The following IL1RAPL1 variants were observed in gnomAD, a reference collection of about 807,000 sequenced individuals.
The protein encoded by IL1RAPL1 is interleukin-1 receptor accessory protein-like 1.
In IL1RAPL1, 3 loss-of-function variants were observed where a neutral mutation model predicts 48.4. The ratio of observed to expected loss-of-function variants is 0.06; its 90% CI spans 0.03 to 0.16. The LOEUF is 0.16. Among genes scored for constraint, IL1RAPL1 ranks in the 10% least tolerant of loss-of-function variants. IL1RAPL1 has a pLI of 1.00. For synonymous variants in IL1RAPL1, 185 were observed against 187.7 expected (o/e 0.99, Z 0.12); for missense variants, 349 against 530.6 (o/e 0.66, Z 3.36).
chrX:29,217,014 T>C (rs376131144), intron 2 of IL1RAPL1, among the ~76,000 whole-genome samples: 5 of 111,545 alleles, frequency 4.5e-5, no homozygotes, highest in Admixed American at 1.9e-4. Flanking sequence ...AAAAGCCTTA[T>C]GGTAGTCATG....
At chrX:29,005,495 C>T (rs1441395023) in intron 2 of IL1RAPL1, among the ~76,000 whole-genome samples, 1 of 111,575 alleles carries the variant, frequency 9.0e-6, no homozygotes, top group Non-Finnish European at 1.9e-5. Flanking sequence ...CTTCAAGGCC[C>T]TTGAAAAACA....
At chrX:29,872,652 A>G (rs1004036076) in intron 6 of IL1RAPL1, among the ~76,000 whole-genome samples, 21 of 111,734 alleles carry the variant, frequency 1.9e-4, no homozygotes, top group African/African-American at 5.9e-4. Flanking sequence ...TTTCACTATA[A>G]TTAGTCTTTC....
chrX:28,974,821 A>G (rs769539077), intron 2 of IL1RAPL1, among the ~76,000 whole-genome samples: 11 of 111,666 alleles, frequency 9.9e-5, no homozygotes, highest in South Asian at 3.8e-4. Flanking sequence ...AAAGTGGACA[A>G]TTATCATCTT....
At chrX:29,509,198 T>G (rs1935367815) in intron 5 of IL1RAPL1, among the ~76,000 whole-genome samples, 1 of 112,029 alleles carries the variant, frequency 8.9e-6, no homozygotes, top group South Asian at 3.7e-4. Flanking sequence ...TAGTCTGGAA[T>G]TCTCAGGTAC....
chrX:29,527,888 T>A (rs1412921642), intron 5 of IL1RAPL1, among the ~76,000 whole-genome samples: 2 of 111,603 alleles, frequency 1.8e-5, no homozygotes, highest in African/African-American at 6.5e-5. Flanking sequence ...ATATAAATGA[T>A]CCTTAAGCAT....
At chrX:29,408,584 A>C (rs757569553) in intron 5 of IL1RAPL1, among the ~76,000 whole-genome samples, 109 of 111,930 alleles carry the variant, frequency 9.7e-4, no homozygotes, top group Middle Eastern at 4.6e-3. Context: ...ATTCGAAAAG[A>C]AGCAAAAAGA....
In IL1RAPL1 at chrX:29,448,410, G is replaced by A. The variant is rs1017468162; in HGVS notation, c.703+49102G>A. ...GTCCATATTACAGAGATTGAGTATA[G>A]TAGAGACTCAGTTTTATCACTTGTC... On this transcript the variant is annotated intron_variant, in intron 5 of 10. Transcript: ENST00000378993. 7.1e-5 allele frequency among the ~76,000 whole-genome samples: 8 copies of A among 111,947 alleles called. No individual in the cohort carries two copies. The East Asian group carries it at 2.2e-3, about 31-fold the overall frequency.
At chrX:29,403,667 A>G (rs1934022068) in intron 5 of IL1RAPL1, among the ~76,000 whole-genome samples, 1 of 111,995 alleles carries the variant, frequency 8.9e-6, no homozygotes, top group African/African-American at 3.2e-5. Flanking sequence ...ATTAAGTTAA[A>G]CATGAGTTCA....
At chrX:29,418,891 G>T (rs1335895331) in intron 5 of IL1RAPL1, among the ~76,000 whole-genome samples, 1 of 111,923 alleles carries the variant, frequency 8.9e-6, no homozygotes, top group African/African-American at 3.2e-5. Context: ...CAATAGTGTT[G>T]ACCTGCCTTT....
chrX:29,588,290 A>G (rs749112721), intron 5 of IL1RAPL1, among the ~76,000 whole-genome samples: 8 of 112,401 alleles, frequency 7.1e-5, no homozygotes, highest in South Asian at 7.3e-4. Context: ...CTGTTGCCCT[A>G]TGAATTTATG....
intron 2 of IL1RAPL1, among the ~76,000 whole-genome samples, chrX:29,208,258 C>T (rs972033591): frequency 2.2e-4 from 24 of 111,466 alleles, no homozygotes; most frequent in Non-Finnish European, 4.1e-4. Context: ...TCTCTCTAAA[C>T]TACAGATCAA....
intron 5 of IL1RAPL1, among the ~76,000 whole-genome samples, chrX:29,560,961 A>G (rs1922174736): frequency 8.9e-6 from 1 of 111,874 alleles, no homozygotes. Context: ...CTGCCCTCAC[A>G]TGTGAACAAG....
chrX:28,938,188 A>G (rs1325305645), intron 2 of IL1RAPL1, among the ~76,000 whole-genome samples: 7 of 111,736 alleles, frequency 6.3e-5, no homozygotes, highest in African/African-American at 2.3e-4. Context: ...ATATGGAACC[A>G]AAAAAGAGTC....
At chrX:29,923,160 C>CTATAATAAATAAT (rs1340109570) in intron 8 of IL1RAPL1, among the ~76,000 whole-genome samples, 1 of 111,948 alleles carries the variant, frequency 8.9e-6, no homozygotes, top group Non-Finnish European at 1.9e-5. Flanking sequence ...CAAGGGGATA[C>CTATAATAAATAAT]TATAATAAAT....
intron 3 of IL1RAPL1, among the ~76,000 whole-genome samples, chrX:29,395,988 A>G (rs1168317825): frequency 8.9e-6 from 1 of 112,581 alleles, no homozygotes; most frequent in Non-Finnish European, 1.9e-5. Context: ...GGTACAAAAT[A>G]TCTATTAAAC....
intron 2 of IL1RAPL1, among the ~76,000 whole-genome samples, chrX:28,844,341 C>A (rs191151444): frequency 9.3e-6 from 1 of 107,764 alleles, no homozygotes; most frequent in Non-Finnish European, 1.9e-5. Context: ...TTGACAAATA[C>A]AATGTGGTAA....
intron 2 of IL1RAPL1, among the ~76,000 whole-genome samples, chrX:29,173,199 C>T (rs1312951375): frequency 2.7e-5 from 3 of 110,879 alleles, no homozygotes; most frequent in South Asian, 3.8e-4. Context: ...TGTAGGTAGG[C>T]GGATGATTTT....
rs370378954 is a variant in IL1RAPL1 at position 29,032,216 on chromosome X, G to A, written c.82+242791G>A. Among the ~76,000 whole-genome samples, 8 of 111,923 alleles carry A rather than the reference G, an allele frequency of 7.1e-5. No homozygotes were observed. In the East Asian group the frequency reaches 2.3e-3, roughly 32 times the overall value. On this transcript the variant is annotated intron_variant, in intron 2 of 10. Coordinates refer to ENST00000378993, the MANE Select transcript of IL1RAPL1 (RefSeq NM_014271.4). ...AGCAAATATTATGAATGGCACCACT[G>A]GAATTCTGTAGTATGCAACTTGAAA...
intron 2 of IL1RAPL1, among the ~76,000 whole-genome samples, chrX:28,913,399 T>C (rs1241177225): frequency 2.7e-5 from 3 of 111,965 alleles, no homozygotes; most frequent in African/African-American, 9.7e-5. Context: ...CATAGTCTTA[T>C]GCTTAACAGT....
Sources: allele counts gnomAD v4.1 joint callset (sites outside exome capture counted in the v4.1 genomes callset), GRCh38; gene constraint gnomAD v4.1.1; transcripts MANE v1.5; gene names NCBI Gene and HGNC (gene_info 2026-07-23, HGNC 2026-07-21).